PREX1: variants seen among roughly 807,000 people sequenced by gnomAD.
PREX1 encodes the protein phosphatidylinositol-3,4,5-trisphosphate dependent Rac exchange factor 1.
PREX1 carries 41 observed loss-of-function variants against 198.3 expected under a neutral mutation model. That is an observed-to-expected ratio of 0.21 (90% CI 0.16 to 0.27). The LOEUF (loss-of-function observed/expected upper bound fraction) is 0.27, where lower values mean the gene tolerates loss of function less well. PREX1 is among the 10% of genes least tolerant of loss of function. PREX1 has a pLI of 1.00. For missense variants in PREX1, 1,620 were observed against 2,200.7 expected (o/e 0.74, Z 5.28); for synonymous variants, 843 against 887.2 (o/e 0.95, Z 0.89).
intron 10 of PREX1, among the ~76,000 whole-genome samples, chr20:48,687,633 C>T (rs778714683): frequency 2.6e-5 from 4 of 152,208 alleles, no homozygotes; most frequent in Admixed American, 6.5e-5. Context: ...CCCGCATTGC[C>T]GGCAAACCTC....
At chr20:48,865,509 G>T in the PREX1 span, among the ~76,000 whole-genome samples, 3,978 of 152,284 alleles carry the variant, frequency 0.026, 199 homozygotes, top group African/African-American at 0.091. Context: ...GAAAGGTTCA[G>T]AACATTATAT....
chr20:48,712,132 CTG>C (rs1384116786), intron 5 of PREX1, among the ~76,000 whole-genome samples: 1 of 152,228 alleles, frequency 6.6e-6, no homozygotes, highest in Non-Finnish European at 1.5e-5. Flanking sequence ...CACCATGAAA[CTG>C]TGTTCTTCCT....
intron 1 of PREX1, among the ~76,000 whole-genome samples, chr20:48,792,817 T>TACACACACACACACACAC (rs372512250): frequency 2.6e-5 from 3 of 113,550 alleles, no homozygotes; most frequent in Non-Finnish European, 3.5e-5. Context: ...AAAAAAAAAA[T>TACACACACACACACACAC]ACACACACAC....
intron 8 of PREX1, 112 bp downstream of exon 8, chr20:48,692,560 G>C (rs1010016088): frequency 7.2e-5 from 61 of 846,758 alleles, no homozygotes; most frequent in African/African-American, 7.0e-4. Context: ...TTTTCTGTAG[G>C]TAGATTACAT....
intron 4 of PREX1, among the ~76,000 whole-genome samples, chr20:48,731,102 C>T (rs540065539): frequency 2.0e-5 from 3 of 152,334 alleles, no homozygotes; most frequent in Admixed American, 6.5e-5. Flanking sequence ...TCTCCTCCTG[C>T]TTTTCCTCTT....
At chr20:48,653,570 C>G (rs2089518442) in intron 19 of PREX1, 73 bp from the exon 20 acceptor site, 1 of 1,548,116 alleles carries the variant, frequency 6.5e-7, no homozygotes, top group Non-Finnish European at 8.8e-7. Context: ...TGTCCCCCAC[C>G]ACCCACCACT....
chr20:48,858,290 C>T, the PREX1 span, among the ~76,000 whole-genome samples: 1 of 152,184 alleles, frequency 6.6e-6, no homozygotes. Flanking sequence ...CTGTCTCGTC[C>T]GCCTTGGGCT....
Position 48,684,882 on chromosome 20 carries a change from G to A in PREX1, c.1335-3547C>T, listed in dbSNP as rs549110347. Among the ~76,000 whole-genome samples the A allele has an allele frequency of 2.0e-5, 3 of 152,160 alleles. No homozygotes were observed. Among genetic ancestry groups the A allele is most frequent in the African/African-American group, 7.2e-5 (3 of 41,428 alleles). On this transcript the variant is annotated intron_variant, in intron 10 of 39. Transcript: ENST00000371941. The surrounding 1 kb of genome is among the most constrained non-coding windows in gnomAD (Gnocchi z 4.2). ...CTCACTGCAGCCTCAGGGCTTTCGC[G>A]CCTACTGCTTCCTAAGCCAGGAATG...
At chr20:48,797,092 A>C (rs909162219) in intron 1 of PREX1, among the ~76,000 whole-genome samples, 1 of 152,064 alleles carries the variant, frequency 6.6e-6, no homozygotes, top group Non-Finnish European at 1.5e-5. Context: ...AAAATAATTA[A>C]AATTTTAAAA....
intron 20 of PREX1, 61 bp from the exon 21 acceptor site, chr20:48,652,767 G>A (rs574851758): frequency 6.4e-7 from 1 of 1,551,262 alleles, no homozygotes; most frequent in East Asian, 2.3e-5. Context: ...GAGGGGACAG[G>A]GCCGAGGTGT....
chr20:48,757,631 T>C (rs1424523466), intron 1 of PREX1, among the ~76,000 whole-genome samples: 1 of 152,194 alleles, frequency 6.6e-6, no homozygotes, highest in African/African-American at 2.4e-5. Flanking sequence ...AAATAACTTG[T>C]TGCCTCTGCC....
chr20:48,793,975 CAGG>C (rs1389882853), intron 1 of PREX1, among the ~76,000 whole-genome samples: 2 of 152,152 alleles, frequency 1.3e-5, no homozygotes, highest in Non-Finnish European at 2.9e-5. Context: ...AGTGTCTGGC[CAGG>C]AGAAGAACCC....
intron 4 of PREX1, among the ~76,000 whole-genome samples, chr20:48,728,966 C>T (rs748139211): frequency 6.6e-6 from 1 of 152,176 alleles, no homozygotes; most frequent in African/African-American, 2.4e-5. Flanking sequence ...TTAGATGAGG[C>T]GTCAACCTCA....
At chr20:48,640,912 T>TGGTAAGTG (rs1292595304) in intron 29 of PREX1, among the ~76,000 whole-genome samples, 1 of 147,144 alleles carries the variant, frequency 6.8e-6, no homozygotes, top group Non-Finnish European at 1.5e-5. Flanking sequence ...GATGGATAGA[T>TGGTAAGTG]GGTAAGTGGG....
At chr20:48,741,845 T>G (rs1003607340) in intron 3 of PREX1, among the ~76,000 whole-genome samples, 2 of 152,052 alleles carry the variant, frequency 1.3e-5, no homozygotes, top group South Asian at 2.1e-4. Flanking sequence ...GGAAGCGGCC[T>G]GGGGTGAGAA....
At chr20:48,790,996 C>A (rs952083016) in intron 1 of PREX1, among the ~76,000 whole-genome samples, 24 of 152,278 alleles carry the variant, frequency 1.6e-4, no homozygotes, top group African/African-American at 5.5e-4. Context: ...TATCACCACC[C>A]GGGAACCCCA....
At chr20:48,697,843 C>A (rs1019836778) in intron 7 of PREX1, among the ~76,000 whole-genome samples, 1 of 152,204 alleles carries the variant, frequency 6.6e-6, no homozygotes, top group Non-Finnish European at 1.5e-5. Flanking sequence ...TTCTGACACC[C>A]AAGGAGCCTC....
At chr20:48,670,845 G>A (rs931537743) in intron 14 of PREX1, among the ~76,000 whole-genome samples, 2 of 152,194 alleles carry the variant, frequency 1.3e-5, no homozygotes, top group Non-Finnish European at 2.9e-5. Flanking sequence ...ACACACAGAG[G>A]ATCCTGGTGG....
chr20:48,744,736 C>T (rs917404484), intron 3 of PREX1, among the ~76,000 whole-genome samples: 1 of 152,194 alleles, frequency 6.6e-6, no homozygotes, highest in Non-Finnish European at 1.5e-5. Context: ...AGAGGGGCCC[C>T]GCCAGGCCAG....
Sources: allele counts gnomAD v4.1 joint callset (sites outside exome capture counted in the v4.1 genomes callset), GRCh38; gene constraint gnomAD v4.1.1; non-coding constraint Gnocchi (gnomAD v3.1); transcripts MANE v1.5; gene names NCBI Gene and HGNC (gene_info 2026-07-23, HGNC 2026-07-21).